The following PI4KA variants were observed in gnomAD, a reference collection of about 807,000 sequenced individuals.
PI4KA encodes the protein PI4-kinase alpha.
Under a neutral mutation model 271.4 loss-of-function variants are expected in PI4KA, and 122 were observed. The ratio of observed to expected loss-of-function variants is 0.45; its 90% CI spans 0.39 to 0.52. PI4KA has a LOEUF of 0.52. PI4KA is among the 20% of genes least tolerant of loss of function. The pLI is 0.00. For synonymous variants in PI4KA, 1,041 were observed against 1,078.8 expected (o/e 0.96, Z 0.69); for missense variants, 1,969 against 2,769.1 (o/e 0.71, Z 6.48).
chr22:20,744,411 C>T (rs1447212390), intron 30 of PI4KA, among the ~76,000 whole-genome samples: 1 of 150,704 alleles, frequency 6.6e-6, no homozygotes, highest in Non-Finnish European at 1.5e-5. Flanking sequence ...CCAAAGTGTA[C>T]ACAGAGTTAC....
chr22:20,838,596 T>A lies in PI4KA; in HGVS notation c.273+19A>T, dbSNP rs200144086. Reference sequence around the variant, plus strand: ...CCCCCTTTTACAATGAAGAAACTTTTAATTTCATGAAGACTTACCTGAAGA... The same window carrying A: ...CCCCCTTTTACAATGAAGAAACTTTAAATTTCATGAAGACTTACCTGAAGA... On this transcript the variant is annotated intron_variant, in intron 2 of 54. Transcript: ENST00000255882. 335 of 1,439,782 alleles carry A rather than the reference T, an allele frequency of 2.3e-4. No homozygotes were observed. The African/African-American group carries it at 2.8e-3, about 12-fold the overall frequency. The allele number at this position is 1,439,782 out of a possible 1,614,324, so 89.2% of individuals were successfully genotyped here. A position where few individuals can be genotyped will look rare whatever the true frequency, so the allele number is the denominator to read the frequency against.
chr22:20,787,953 A>G (rs1934377423), intron 19 of PI4KA, among the ~76,000 whole-genome samples: 1 of 152,192 alleles, frequency 6.6e-6, no homozygotes, highest in Admixed American at 6.5e-5. Context: ...GGGCTCCCAC[A>G]GTCTATGCCA....
At chr22:20,819,157 A>G (rs756393559) in intron 6 of PI4KA, among the ~76,000 whole-genome samples, 2 of 152,238 alleles carry the variant, frequency 1.3e-5, no homozygotes, top group African/African-American at 2.4e-5. Context: ...GCAGTGTGTC[A>G]TATGTGTAAT....
chr22:20,788,739 C>T (rs1289011721), intron 19 of PI4KA, among the ~76,000 whole-genome samples: 1 of 152,174 alleles, frequency 6.6e-6, no homozygotes, highest in Non-Finnish European at 1.5e-5. Context: ...CTGCTTCACC[C>T]CTCTTCTTTT....
intron 19 of PI4KA, among the ~76,000 whole-genome samples, chr22:20,781,762 G>A (rs1933819697): frequency 6.6e-6 from 1 of 152,230 alleles, no homozygotes; most frequent in Non-Finnish European, 1.5e-5. Context: ...TTCATTACAG[G>A]TTATTAGTAC....
chr22:20,800,742 C>T (rs1009540098), intron 14 of PI4KA, among the ~76,000 whole-genome samples: 7 of 149,174 alleles, frequency 4.7e-5, no homozygotes, highest in Non-Finnish European at 7.4e-5. Flanking sequence ...GGCATGGTGG[C>T]GGGCACCTGT....
chr22:20,830,393 G>A (rs1286815299), intron 3 of PI4KA, among the ~76,000 whole-genome samples: 4 of 152,174 alleles, frequency 2.6e-5, no homozygotes, highest in Non-Finnish European at 5.9e-5. Flanking sequence ...TTACCATTAT[G>A]TAATGCCTTT....
intron 32 of PI4KA, among the ~76,000 whole-genome samples, chr22:20,740,772 C>T (rs1320158467): frequency 6.6e-6 from 1 of 152,156 alleles, no homozygotes; most frequent in African/African-American, 2.4e-5. Context: ...TCTCCAGAAA[C>T]AATGCAAGCT....
intron 9 of PI4KA, 149 bp downstream of exon 9, chr22:20,810,818 G>A (rs553175377): frequency 1.4e-4 from 94 of 690,894 alleles, no homozygotes; most frequent in Middle Eastern, 8.3e-4. Flanking sequence ...CAAGCCCTCC[G>A]CGGCAGGTGG....
At chr22:20,784,319 CA>C (rs1234116597) in intron 19 of PI4KA, 29 of 1,594,692 alleles carry the variant, frequency 1.8e-5, no homozygotes, top group Non-Finnish European at 2.3e-5. Flanking sequence ...GAAAATGGAT[CA>C]TTTTTTTAAA....
chr22:20,710,512 A>G (rs1268283850), intron 52 of PI4KA, 187 bp downstream of exon 52: 11 of 640,042 alleles, frequency 1.7e-5, no homozygotes, highest in Non-Finnish European at 3.1e-5. Flanking sequence ...TTGGAATTAG[A>G]TGTCCAGAGC....
At chr22:20,758,231 G>A (rs1485987423) in intron 23 of PI4KA, among the ~76,000 whole-genome samples, 2 of 151,768 alleles carry the variant, frequency 1.3e-5, no homozygotes, top group African/African-American at 2.4e-5. Context: ...CAGGCGTGGT[G>A]GTGGGCGCCT....
chr22:20,785,693 AATT>A (rs942007372), intron 19 of PI4KA, among the ~76,000 whole-genome samples: 1 of 152,188 alleles, frequency 6.6e-6, no homozygotes, highest in Admixed American at 6.5e-5. Flanking sequence ...CAAACCAGAG[AATT>A]ATTTTAGATG....
At chr22:20,727,930 G>C in intron 39 of PI4KA, 66 bp from the exon 40 acceptor site, 2 of 1,147,988 alleles carry the variant, frequency 1.7e-6, no homozygotes, top group Non-Finnish European at 1.3e-6. Context: ...CCACCACACT[G>C]GAGTGAGGGG....
In PI4KA at chr22:20,858,282, A is replaced by G. The variant is rs368570055; in HGVS notation, c.156+288T>C. ...CAGCCTCCACCTCCGCGATGTCACA[A>G]GATGCTCCCTGGGCCAGCAGCTCAC... On this transcript the variant is annotated intron_variant, in intron 1 of 54. Transcript: ENST00000255882. 3.4e-4 allele frequency among the ~76,000 whole-genome samples: 51 copies of G among 152,178 alleles called. No individual in the cohort carries two copies. In the South Asian group the frequency reaches 0.011, roughly 32 times the overall value.
intron 28 of PI4KA, among the ~76,000 whole-genome samples, chr22:20,748,312 C>A (rs1930330608): frequency 6.6e-6 from 1 of 152,260 alleles, no homozygotes; most frequent in Non-Finnish European, 1.5e-5. Context: ...GCTGTGGTAG[C>A]CACCAGGCAA....
At chr22:20,839,097 G>A (rs1354341113) in intron 1 of PI4KA, among the ~76,000 whole-genome samples, 6 of 152,090 alleles carry the variant, frequency 3.9e-5, no homozygotes, top group East Asian at 3.9e-4. Flanking sequence ...CACACCTATC[G>A]TCCCAGCTAC....
At chr22:20,799,346 A>G in intron 15 of PI4KA, 70 bp from the exon 16 acceptor site, 1 of 1,354,946 alleles carries the variant, frequency 7.4e-7, no homozygotes, top group Non-Finnish European at 1.0e-6. Flanking sequence ...CAGTACCCAG[A>G]GACTACGATC....
intron 19 of PI4KA, among the ~76,000 whole-genome samples, chr22:20,790,885 T>G (rs1474148103): frequency 6.6e-6 from 1 of 152,120 alleles, no homozygotes; most frequent in Non-Finnish European, 1.5e-5. Context: ...AATATAACCA[T>G]TAACTTTCAC....
Sources: gnomAD v4.1 joint callset for allele counts (sites outside exome capture counted in the v4.1 genomes callset) on GRCh38, gnomAD v4.1.1 for gene constraint, MANE v1.5 for transcripts, NCBI Gene and HGNC (gene_info 2026-07-23, HGNC 2026-07-21) for gene names.